Variants in CEP85L observed in about 807,000 individuals in gnomAD.
CEP85L encodes the protein centrosomal protein of 85 kDa-like.
Under a neutral mutation model 100.3 loss-of-function variants are expected in CEP85L, and 60 were observed. That is an observed-to-expected ratio of 0.60 (90% confidence interval 0.49 to 0.74). The LOEUF is 0.74. CEP85L is among the 30% of genes least tolerant of loss of function. CEP85L has a pLI of 0.00. For synonymous variants in CEP85L, 319 were observed against 322.7 expected (o/e 0.99, Z 0.12); for missense variants, 973 against 936.2 (o/e 1.04, Z -0.51).
At chr6:118,568,688 G>T (rs1449301057) in intron 2 of CEP85L, among the ~76,000 whole-genome samples, 1 of 152,166 alleles carries the variant, frequency 6.6e-6, no homozygotes, top group Non-Finnish European at 1.5e-5. Context: ...TGACAGCAGA[G>T]TTGCCAATGG....
intron 2 of CEP85L, among the ~76,000 whole-genome samples, chr6:118,616,756 C>G (rs917649275): frequency 1.3e-5 from 2 of 151,026 alleles, no homozygotes; most frequent in African/African-American, 4.9e-5. Context: ...ACCAGCCTGG[C>G]CAACATGGTG....
intron 1 of CEP85L, among the ~76,000 whole-genome samples, chr6:118,706,827 CGCTTA>C (rs1055350974): frequency 1.6e-4 from 24 of 152,174 alleles, no homozygotes; most frequent in African/African-American, 5.8e-4. Flanking sequence ...TTCCACTTCT[CGCTTA>C]GCTACTCTTC....
At chr6:118,656,490 T>A (rs1775793496), upstream of CEP85L, among the ~76,000 whole-genome samples, 1 of 152,168 alleles carries the variant, frequency 6.6e-6, no homozygotes, top group South Asian at 2.1e-4. Flanking sequence ...GAGGAATTGA[T>A]CTGTGAGGTG....
intron 10 of CEP85L, among the ~76,000 whole-genome samples, chr6:118,472,228 G>T (rs956981393): frequency 6.6e-6 from 1 of 152,040 alleles, no homozygotes; most frequent in Non-Finnish European, 1.5e-5. Flanking sequence ...CAACTAATAT[G>T]TCCCTATGTA....
chr6:118,599,439 A>G (rs1781611540), intron 2 of CEP85L, among the ~76,000 whole-genome samples: 1 of 152,232 alleles, frequency 6.6e-6, no homozygotes, highest in African/African-American at 2.4e-5. Context: ...TGGCATAAAT[A>G]AATGATTGAA....
At chr6:118,495,282 T>A (rs1343189819) in intron 5 of CEP85L, among the ~76,000 whole-genome samples, 2 of 152,150 alleles carry the variant, frequency 1.3e-5, no homozygotes, top group Non-Finnish European at 2.9e-5. Context: ...TGGGAGGTGC[T>A]GGGGTGGAAT....
At chr6:118,497,790 C>T (rs1403688195) in intron 5 of CEP85L, among the ~76,000 whole-genome samples, 1 of 151,982 alleles carries the variant, frequency 6.6e-6, no homozygotes, top group Non-Finnish European at 1.5e-5. Flanking sequence ...CACATCTAGA[C>T]AAAGAAAGCA....
chr6:118,606,923 G>A (rs2115202638), intron 2 of CEP85L, among the ~76,000 whole-genome samples: 1 of 152,176 alleles, frequency 6.6e-6, no homozygotes, highest in East Asian at 1.9e-4. Flanking sequence ...TTTGCACAGA[G>A]AGAGAGAGAA....
In CEP85L at chr6:118,480,297, C is replaced by T. The variant is rs1773681712; in HGVS notation, c.1863+99G>A. The T allele has an allele frequency of 8.1e-6, 5 of 617,090 alleles. No homozygotes were observed. The South Asian group carries it at 1.6e-4, about 20-fold the overall frequency. The allele number at this position is 617,090 out of a possible 1,614,324, so 38.2% of individuals were successfully genotyped here. On this transcript the variant is annotated intron_variant, in intron 9 of 12. Coordinates refer to ENST00000368491, the MANE Select transcript of CEP85L (RefSeq NM_001042475.3). The stretch of plus-strand genomic sequence containing the variant: ...AACTATGTAAGTGATTAAATATTAA[C>T]AAAATATAAATCACATAAAATAGCT...
At chr6:118,520,832 C>T (rs1776622001) in intron 4 of CEP85L, among the ~76,000 whole-genome samples, 1 of 152,196 alleles carries the variant, frequency 6.6e-6, no homozygotes, top group African/African-American at 2.4e-5. Flanking sequence ...AGGTCAAGCA[C>T]TACTCAATCA....
chr6:118,602,240 C>CT (rs906517326), intron 2 of CEP85L, among the ~76,000 whole-genome samples: 5 of 152,140 alleles, frequency 3.3e-5, no homozygotes, highest in Admixed American at 6.5e-5. Flanking sequence ...ATTCATAACT[C>CT]TTTAAGTTTC....
upstream of CEP85L, among the ~76,000 whole-genome samples, chr6:118,654,131 G>A (rs1775691340): frequency 6.6e-6 from 1 of 152,076 alleles, no homozygotes; most frequent in Admixed American, 6.6e-5. Context: ...TAAATTAGAA[G>A]AGCCAGGTGC....
chr6:118,624,114 C>G (rs1414602257), intron 2 of CEP85L, among the ~76,000 whole-genome samples: 2 of 152,138 alleles, frequency 1.3e-5, no homozygotes, highest in African/African-American at 2.4e-5. Flanking sequence ...CCCTGCTTCT[C>G]CTATTTCGGA....
intron 10 of CEP85L, among the ~76,000 whole-genome samples, chr6:118,475,033 T>C (rs1227087660): frequency 6.6e-6 from 1 of 152,238 alleles, no homozygotes; most frequent in African/African-American, 2.4e-5. Flanking sequence ...CAGGGCATTG[T>C]TGAAAACAAC....
intron 2 of CEP85L, among the ~76,000 whole-genome samples, chr6:118,582,530 C>A (rs1236912136): frequency 6.6e-6 from 1 of 152,144 alleles, no homozygotes; most frequent in Non-Finnish European, 1.5e-5. Context: ...AACTCCATTC[C>A]CACTAGGAAG....
At chr6:118,607,450 T>TAAA (rs2115205618) in intron 2 of CEP85L, among the ~76,000 whole-genome samples, 1 of 152,220 alleles carries the variant, frequency 6.6e-6, no homozygotes, top group East Asian at 1.9e-4. Flanking sequence ...TTTCCCCTTT[T>TAAA]AGGGAAGAAA....
chr6:118,475,319 C>CAAAA (rs1773273127), intron 10 of CEP85L, among the ~76,000 whole-genome samples: 1 of 143,140 alleles, frequency 7.0e-6, no homozygotes, highest in East Asian at 2.0e-4. Flanking sequence ...TTGCACACTT[C>CAAAA]AAAAAAGGTG....
chr6:118,495,873 GA>G (rs1161338537), intron 5 of CEP85L, among the ~76,000 whole-genome samples: 1 of 152,178 alleles, frequency 6.6e-6, no homozygotes, highest in Non-Finnish European at 1.5e-5. Flanking sequence ...AATCCAGGTT[GA>G]AAAGTCTATC....
intron 2 of CEP85L, among the ~76,000 whole-genome samples, chr6:118,621,858 G>A (rs1414243966): frequency 6.6e-6 from 1 of 152,192 alleles, no homozygotes; most frequent in Non-Finnish European, 1.5e-5. Context: ...AGAAGGCCAA[G>A]CCACTCTATA....
Sources: allele counts gnomAD v4.1 joint callset (sites outside exome capture counted in the v4.1 genomes callset), GRCh38; gene constraint gnomAD v4.1.1; transcripts MANE v1.5; gene names NCBI Gene and HGNC (gene_info 2026-07-23, HGNC 2026-07-21).